GLI3: variants seen among roughly 807,000 people sequenced by gnomAD.
GLI3 encodes transcription activator GLI3.
A neutral mutation model predicts 100.8 loss-of-function variants in GLI3; 20 were observed. The ratio of observed to expected loss-of-function variants is 0.20; its 90% CI spans 0.14 to 0.29. GLI3 has a LOEUF of 0.29. GLI3 is among the 10% of genes least tolerant of loss of function. GLI3 has a pLI of 1.00. For missense variants in GLI3, 2,040 were observed against 2,128.5 expected (o/e 0.96, Z 0.82); for synonymous variants, 938 against 860.5 (o/e 1.09, Z -1.58).
At position 42,236,998 on chromosome 7, in the gene GLI3, C is replaced by G. The variant is rs944625267; in HGVS notation, c.-70G>C. 1 of 151,502 alleles carries G rather than the reference C, an allele frequency of 6.6e-6. No individual in the cohort carries two copies. Among genetic ancestry groups the G allele is most frequent in the Admixed American group, 6.6e-5 (1 of 15,234 alleles). The allele number at this position is 151,502 out of a possible 1,614,324, so 9.4% of individuals were successfully genotyped here. A position where few individuals can be genotyped will look rare whatever the true frequency, so the allele number is the denominator to read the frequency against. Reference sequence around the variant, plus strand: ...GCGGCGGCAGCGGCTGTCAAGTCCCCGAACTTCCCATAGACCCGCGGACGG... The same window carrying G: ...GCGGCGGCAGCGGCTGTCAAGTCCCGGAACTTCCCATAGACCCGCGGACGG... On this transcript the variant is annotated 5_prime_UTR_variant, in exon 1 of 15. Transcript: ENST00000395925.
At chr7:42,252,149 AAT>A (rs1375654254) in intron 1 of GLI3, among the ~76,000 whole-genome samples, 1 of 149,026 alleles carries the variant, frequency 6.7e-6, no homozygotes, top group Non-Finnish European at 1.5e-5. Context: ...TACACTACTG[AAT>A]ACTATGCAGC....
chr7:42,103,009 A>G (rs1421444624), intron 3 of GLI3, among the ~76,000 whole-genome samples: 1 of 152,224 alleles, frequency 6.6e-6, no homozygotes, highest in East Asian at 1.9e-4. Context: ...AATAGTGAAC[A>G]TGTACTAACT....
intron 3 of GLI3, among the ~76,000 whole-genome samples, chr7:42,134,174 G>C (rs976740133): frequency 3.9e-5 from 6 of 152,164 alleles, no homozygotes; most frequent in African/African-American, 1.4e-4. Flanking sequence ...CCTGGCAGTG[G>C]GGTAGGTAGT....
chr7:42,200,834 T>C (rs761475470), intron 2 of GLI3, among the ~76,000 whole-genome samples: 1 of 152,042 alleles, frequency 6.6e-6, no homozygotes, highest in East Asian at 1.9e-4. Flanking sequence ...TATATGTGGA[T>C]TGGTTAAACC....
intron 10 of GLI3, among the ~76,000 whole-genome samples, chr7:42,004,767 G>A (rs765603035): frequency 1.1e-4 from 16 of 152,132 alleles, no homozygotes; most frequent in Non-Finnish European, 2.2e-4. Context: ...ATAAACCACC[G>A]TGCTGGGCCA....
rs1175822830 is a variant in GLI3, at chr7:42,042,878, G to C, written c.826+2506C>G. On this transcript the variant is annotated intron_variant, in intron 6 of 14. Coordinates refer to ENST00000395925, the MANE Select transcript of GLI3 (RefSeq NM_000168.6). Reference sequence around the variant, plus strand: ...CTCATCTCTAGAATGTTCCTTATAGGGAGTATTTGTTCTCATCTTTTAAGG... The same window carrying C: ...CTCATCTCTAGAATGTTCCTTATAGCGAGTATTTGTTCTCATCTTTTAAGG... 3.9e-5 allele frequency among the ~76,000 whole-genome samples: 6 copies of C among 152,034 alleles called. No individual in the cohort carries two copies. The East Asian group carries it at 1.2e-3, about 29-fold the overall frequency.
At chr7:42,100,841 C>T (rs1277990695) in intron 3 of GLI3, among the ~76,000 whole-genome samples, 1 of 152,096 alleles carries the variant, frequency 6.6e-6, no homozygotes, top group African/African-American at 2.4e-5. Flanking sequence ...ACAAGAATTG[C>T]CTGGGGCTTC....
intron 10 of GLI3, among the ~76,000 whole-genome samples, chr7:41,982,591 A>G (rs539442245): frequency 3.3e-5 from 5 of 151,514 alleles, no homozygotes; most frequent in Non-Finnish European, 7.4e-5. Context: ...AGTCTCAGCC[A>G]CTTGTGAGGC....
intron 10 of GLI3, among the ~76,000 whole-genome samples, chr7:42,013,251 C>T (rs767946455): frequency 3.9e-5 from 6 of 152,174 alleles, no homozygotes; most frequent in Non-Finnish European, 7.3e-5. Context: ...AGACCTAATG[C>T]TTTGAATATT....
chr7:42,087,438 T>C (rs1189884931), intron 3 of GLI3, among the ~76,000 whole-genome samples: 1 of 152,182 alleles, frequency 6.6e-6, no homozygotes, highest in Admixed American at 6.5e-5. Flanking sequence ...GTGAGTAACT[T>C]CAGTGAGTAA....
At chr7:42,054,554 C>G (rs1193050404) in intron 4 of GLI3, among the ~76,000 whole-genome samples, 1 of 152,034 alleles carries the variant, frequency 6.6e-6, no homozygotes, top group Non-Finnish European at 1.5e-5. Context: ...TTAAATATAA[C>G]AAGTAGACAT....
intron 2 of GLI3, among the ~76,000 whole-genome samples, chr7:42,154,557 A>T (rs1451465161): frequency 6.6e-6 from 1 of 152,146 alleles, no homozygotes; most frequent in East Asian, 1.9e-4. Flanking sequence ...GGTTATTTAC[A>T]TGTTGATGCT....
intron 10 of GLI3, among the ~76,000 whole-genome samples, chr7:41,985,377 G>A (rs1787791346): frequency 6.6e-6 from 1 of 152,096 alleles, no homozygotes; most frequent in Non-Finnish European, 1.5e-5. Flanking sequence ...GATTTGCTGG[G>A]GAAAGATATT....
At chr7:42,195,624 G>A (rs1279716991) in intron 2 of GLI3, among the ~76,000 whole-genome samples, 1 of 152,174 alleles carries the variant, frequency 6.6e-6, no homozygotes, top group East Asian at 1.9e-4. Context: ...TCCCTGCAGT[G>A]TTGCTCTATT....
At position 42,148,411 on chromosome 7, in the gene GLI3, T is replaced by C. The variant is rs1387110491; in HGVS notation, c.182A>G (p.Gln61Arg). The C allele has an allele frequency of 3.1e-6, 5 of 1,614,008 alleles. No individual in the cohort carries two copies. Among genetic ancestry groups the C allele is most frequent in the Non-Finnish European group, 4.2e-6 (5 of 1,179,810 alleles). Residue 61 changes from glutamine (Q) to arginine (R), a missense_variant, in exon 3 of 15, where the codon CAG (glutamine) becomes CGG (arginine). Gln to Arg is a conservative substitution (Grantham distance 43). Around this residue, in one of 5 missense-constraint regions of GLI3, gnomAD observed 603 missense variants for 690.9 expected, o/e 0.87. Transcript: ENST00000395925. ...GCTGAGCCCCTGGACATTCTGTGGC[T>C]GCATAGTGATTGCGTTTCTTCTCTC... ...HRERRNAITM[Q>R]PQNVQGLSKV...
chr7:42,187,336 C>G (rs976897363), intron 2 of GLI3, among the ~76,000 whole-genome samples: 2 of 151,750 alleles, frequency 1.3e-5, no homozygotes, highest in Non-Finnish European at 2.9e-5. Context: ...AGTTTGATAT[C>G]TAGGATATTA....
At chr7:42,060,194 C>T (rs1784539128) in intron 4 of GLI3, among the ~76,000 whole-genome samples, 1 of 152,200 alleles carries the variant, frequency 6.6e-6, no homozygotes, top group South Asian at 2.1e-4. Flanking sequence ...CTACAACCAA[C>T]ACCTTCATTC....
At chr7:42,089,723 A>C (rs1468104657) in intron 3 of GLI3, among the ~76,000 whole-genome samples, 2 of 152,236 alleles carry the variant, frequency 1.3e-5, no homozygotes, top group Non-Finnish European at 2.9e-5. Flanking sequence ...AATTACAATA[A>C]TCACTACAGC....
intron 7 of GLI3, among the ~76,000 whole-genome samples, chr7:42,030,783 A>T (rs897897853): frequency 1.3e-5 from 2 of 149,390 alleles, no homozygotes; most frequent in Admixed American, 1.3e-4. Flanking sequence ...CAGTGGCACG[A>T]TCTCAGCTCA....
Sources: gnomAD v4.1 joint callset for allele counts (sites outside exome capture counted in the v4.1 genomes callset) on GRCh38, gnomAD v4.1.1 for gene constraint, gnomAD v4.1.1 regional missense constraint, MANE v1.5 for transcripts, NCBI Gene and HGNC (gene_info 2026-07-23, HGNC 2026-07-21) for gene names.